Variants in PTPRD observed in about 807,000 individuals in gnomAD.
PTPRD encodes protein tyrosine phosphatase receptor type D, also known as receptor-type tyrosine-protein phosphatase delta.
A neutral mutation model predicts 214.5 loss-of-function variants in PTPRD; 34 were observed. The ratio of observed to expected loss-of-function variants is 0.16; its 90% CI spans 0.12 to 0.21. The LOEUF (loss-of-function observed/expected upper bound fraction) is 0.21. PTPRD is among the 10% of genes least tolerant of loss of function. The pLI, the probability that PTPRD is intolerant of heterozygous loss-of-function variation, is 1.00. For synonymous variants in PTPRD, 1,128 were observed against 845.7 expected, an observed-to-expected ratio of 1.33 and a Z score of -5.79; for missense variants, 2,545 against 2,398.7, an observed-to-expected ratio of 1.06 and a Z score of -1.27.
rs79060869 is a variant in PTPRD, at chr9:9,113,603, T to G, written c.-143+69701A>C. ...GACATCTAGAACTCCAGTCCCAGAT[T>G]TGTGTAATTAGTAGTTAGTTAAACA... is the stretch of plus-strand genomic sequence containing the variant. On this transcript the variant is annotated intron_variant, in intron 10 of 45. Coordinates refer to ENST00000381196, the MANE Select transcript of PTPRD (RefSeq NM_002839.4). Among the ~76,000 whole-genome samples, 263 of 152,186 alleles carry G rather than the reference T, an allele frequency of 1.7e-3. 1 individual carries two copies. Among genetic ancestry groups the G allele is most frequent in the African/African-American group, 6.0e-3 (248 of 41,530 alleles).
chr9:8,643,686 C>CT (rs2096626068), intron 12 of PTPRD, among the ~76,000 whole-genome samples: 1 of 152,230 alleles, frequency 6.6e-6, no homozygotes, highest in Non-Finnish European at 1.5e-5. Context: ...GTCAGCCTGA[C>CT]TGAGTGTGCA....
intron 9 of PTPRD, among the ~76,000 whole-genome samples, chr9:9,210,406 AC>A: frequency 6.6e-6 from 1 of 152,332 alleles, no homozygotes; most frequent in East Asian, 1.9e-4. Flanking sequence ...TTCCAAAGAT[AC>A]TTTGGGATTT....
rs1486003562 is a variant in PTPRD at position 9,595,568 on chromosome 9, GTGTGTGTGTA to G, written c.-286-20797_-286-20788del. On this transcript the variant is annotated intron_variant, in intron 7 of 45. Coordinates refer to ENST00000381196, the MANE Select transcript of PTPRD (RefSeq NM_002839.4). ...TGTGTGTTTGTGTGTGTGTGTGTGT[GTGTGTGTGTA>G]TATACATATATATATGATGGAATAC... Among the ~76,000 whole-genome samples, 12 of 149,590 alleles carry G rather than the reference GTGTGTGTGTA, an allele frequency of 8.0e-5. No individual in the cohort carries two copies. The East Asian group carries it at 2.2e-3, about 27-fold the overall frequency.
intron 3 of PTPRD, among the ~76,000 whole-genome samples, chr9:10,216,834 C>T (rs1045969547): frequency 1.7e-4 from 26 of 152,044 alleles, no homozygotes; most frequent in African/African-American, 6.3e-4. Context: ...TAGCAAAATT[C>T]TGCAATGATT....
chr9:8,496,442 T>C (rs758752577), intron 26 of PTPRD, among the ~76,000 whole-genome samples: 1 of 152,204 alleles, frequency 6.6e-6, no homozygotes, highest in African/African-American at 2.4e-5. Flanking sequence ...CCACTTAGAA[T>C]GTAAACACTA....
chr9:9,743,434 T>C (rs906914979), intron 6 of PTPRD, among the ~76,000 whole-genome samples: 1 of 152,106 alleles, frequency 6.6e-6, no homozygotes, highest in Admixed American at 6.6e-5. Context: ...AGGAATGTTA[T>C]AAGGATTAAA....
At chr9:9,970,163 G>C (rs567933586) in intron 4 of PTPRD, among the ~76,000 whole-genome samples, 1 of 152,238 alleles carries the variant, frequency 6.6e-6, no homozygotes, top group Admixed American at 6.5e-5. Context: ...TTTTAGTCAT[G>C]AGGTGTCACA....
intron 14 of PTPRD, among the ~76,000 whole-genome samples, chr9:8,590,386 C>T (rs958067990): frequency 2.0e-5 from 3 of 152,096 alleles, no homozygotes; most frequent in Admixed American, 6.6e-5. Flanking sequence ...TGGTTGTGTG[C>T]TATATCCTAA....
intron 9 of PTPRD, among the ~76,000 whole-genome samples, chr9:9,378,127 T>A (rs1018130145): frequency 2.0e-5 from 3 of 152,102 alleles, no homozygotes; most frequent in African/African-American, 4.8e-5. Flanking sequence ...CTTGGTGTTA[T>A]ACACTTTATG....
At chr9:9,101,474 G>C (rs954424421) in intron 10 of PTPRD, among the ~76,000 whole-genome samples, 2 of 152,150 alleles carry the variant, frequency 1.3e-5, no homozygotes, top group Non-Finnish European at 2.9e-5. Context: ...AGGTGATTCT[G>C]AATATATTCT....
intron 3 of PTPRD, among the ~76,000 whole-genome samples, chr9:10,114,560 T>C (rs2098715558): frequency 6.6e-6 from 1 of 152,114 alleles, no homozygotes; most frequent in Non-Finnish European, 1.5e-5. Flanking sequence ...TATGTGCATA[T>C]ATATGCTTGT....
intron 8 of PTPRD, among the ~76,000 whole-genome samples, chr9:9,450,972 C>CACACACAG (rs1049595457): frequency 6.6e-6 from 1 of 151,266 alleles, no homozygotes; most frequent in Non-Finnish European, 1.5e-5. Context: ...CACACACACA[C>CACACACAG]ACACACACAC....
chr9:10,518,795 G>A (rs1295836599), intron 2 of PTPRD, among the ~76,000 whole-genome samples: 1 of 151,086 alleles, frequency 6.6e-6, no homozygotes, highest in African/African-American at 2.4e-5. Flanking sequence ...GCCTCCCAAA[G>A]TGCTGGGATT....
intron 39 of PTPRD, among the ~76,000 whole-genome samples, chr9:8,353,141 T>G (rs2075974564): frequency 6.6e-6 from 1 of 152,040 alleles, no homozygotes; most frequent in African/African-American, 2.4e-5. Context: ...AAAAGGCTAT[T>G]ATCGTTATTT....
At chr9:8,600,355 G>A (rs557268991) in intron 14 of PTPRD, among the ~76,000 whole-genome samples, 1 of 152,248 alleles carries the variant, frequency 6.6e-6, no homozygotes, top group African/African-American at 2.4e-5. Context: ...GAAATTCCTA[G>A]GCAAGTCCTA....
At chr9:10,523,164 A>C (rs1438621609) in intron 2 of PTPRD, among the ~76,000 whole-genome samples, 2 of 152,110 alleles carry the variant, frequency 1.3e-5, no homozygotes, top group Non-Finnish European at 2.9e-5. Flanking sequence ...ACATTTGGGA[A>C]ATATACATTA....
rs201305357 is a variant in PTPRD, at chr9:8,869,088, G to T, written c.-103-135142C>A. Among the ~76,000 whole-genome samples, 14 of 152,106 alleles carry T rather than the reference G, an allele frequency of 9.2e-5. No individual in the cohort carries two copies. In the East Asian group the frequency reaches 2.7e-3, roughly 29 times the overall value. ...ACAAGAAGAGAAACAAAAAAAGAAA[G>T]AATTGGAAAGATTAAAACTCCCTCC... is the stretch of plus-strand genomic sequence containing the variant. On this transcript the variant is annotated intron_variant, in intron 11 of 45. Transcript: ENST00000381196.
intron 4 of PTPRD, among the ~76,000 whole-genome samples, chr9:9,941,603 G>C (rs150827559): frequency 6.6e-6 from 1 of 152,176 alleles, no homozygotes; most frequent in South Asian, 2.1e-4. Context: ...GATTACTGGC[G>C]TGAGCCACTG....
intron 3 of PTPRD, among the ~76,000 whole-genome samples, chr9:10,052,810 T>C (rs1567341521): frequency 6.6e-6 from 1 of 152,150 alleles, no homozygotes; most frequent in East Asian, 1.9e-4. Flanking sequence ...CTCTACTCAT[T>C]CTTTCTTTTT....
Sources: gnomAD v4.1 joint callset for allele counts (sites outside exome capture counted in the v4.1 genomes callset) on GRCh38, gnomAD v4.1.1 for gene constraint, MANE v1.5 for transcripts, NCBI Gene and HGNC (gene_info 2026-07-23, HGNC 2026-07-21) for gene names.